The following KCNK2 variants were observed in gnomAD, a reference collection of about 807,000 sequenced individuals.
The protein encoded by KCNK2 is potassium two pore domain channel subfamily K member 2, also known as potassium channel subfamily K member 2.
KCNK2 carries 21 observed loss-of-function variants against 40.5 expected under a neutral mutation model. The observed-to-expected ratio is 0.52, with a 90% confidence interval of 0.37 to 0.75. The LOEUF (loss-of-function observed/expected upper bound fraction) is 0.75. Ranked by LOEUF, KCNK2 falls within the 30% of genes least tolerant of loss-of-function variation. The pLI, the probability that KCNK2 is intolerant of heterozygous loss-of-function variation, is 0.00. For missense variants in KCNK2, 399 were observed against 531.6 expected (o/e 0.75, Z 2.45); for synonymous variants, 191 against 202.2 (o/e 0.94, Z 0.47).
At chr1:215,144,094 A>G (rs961424808) in intron 3 of KCNK2, among the ~76,000 whole-genome samples, 1 of 152,156 alleles carries the variant, frequency 6.6e-6, no homozygotes, top group African/African-American at 2.4e-5. Flanking sequence ...TTTAGGCTAA[A>G]TGGCATTACT....
At chr1:215,026,440 A>G (rs1294795855) in intron 1 of KCNK2, among the ~76,000 whole-genome samples, 1 of 152,040 alleles carries the variant, frequency 6.6e-6, no homozygotes, top group Non-Finnish European at 1.5e-5. Context: ...TTTGTAAATA[A>G]CATGAGATGG....
rs41283140 is a variant in KCNK2 at position 215,169,272 on chromosome 1, C to T, written c.549C>T (p.Pro183=). 22,342 of 1,613,048 alleles carry T rather than the reference C, an allele frequency of 0.014. 368 individuals are homozygous for T. The highest frequency in any genetic ancestry group is 0.064 in the South Asian group (5,806 of 90,958). The change falls in exon 4 of 7, where the codon CCC becomes CCT. Residue 183 remains proline, a synonymous_variant. Transcript: ENST00000444842. Reference sequence around the variant, plus strand: ...TCATCTATGCCTTACTGGGAATTCCCCTCTTTGGTTTTCTCTTGGCTGGAG... The same window carrying T: ...TCATCTATGCCTTACTGGGAATTCCTCTCTTTGGTTTTCTCTTGGCTGGAG... The part of the protein sequence containing the change: ...FCIIYALLGI[P]LFGFLLAGVG...
At chr1:215,081,676 G>GA (rs1659159070), upstream of KCNK2, 1 of 152,104 alleles carries the variant, frequency 6.6e-6, no homozygotes, top group African/African-American at 2.4e-5. Flanking sequence ...AGTTATGGAA[G>GA]AAAAACTCTA....
At chr1:215,014,955 T>C (rs1481395692) in intron 1 of KCNK2, among the ~76,000 whole-genome samples, 6 of 152,178 alleles carry the variant, frequency 3.9e-5, no homozygotes, top group Non-Finnish European at 8.8e-5. Context: ...GAGAGAGCTC[T>C]AAACTCCGAA....
At chr1:215,011,751 G>A (rs1424244327) in intron 1 of KCNK2, among the ~76,000 whole-genome samples, 1 of 152,032 alleles carries the variant, frequency 6.6e-6, no homozygotes, top group African/African-American at 2.4e-5. Context: ...GACTACAGGC[G>A]CGTGCTACCA....
chr1:215,199,346 C>G (rs758240094), intron 6 of KCNK2, among the ~76,000 whole-genome samples: 1 of 152,030 alleles, frequency 6.6e-6, no homozygotes, highest in Non-Finnish European at 1.5e-5. Context: ...AAAATAAATT[C>G]TGTTTCCAAT....
chr1:215,046,605 C>T (rs1204077330), intron 1 of KCNK2, among the ~76,000 whole-genome samples: 1 of 151,984 alleles, frequency 6.6e-6, no homozygotes, highest in African/African-American at 2.4e-5. Flanking sequence ...GGATTATCAC[C>T]ATATTCATAG....
At chr1:215,168,251 T>G (rs765960788) in intron 3 of KCNK2, among the ~76,000 whole-genome samples, 17 of 152,342 alleles carry the variant, frequency 1.1e-4, no homozygotes, top group Middle Eastern at 3.4e-3. Flanking sequence ...TTTATACTGT[T>G]GGTGGAAATG....
chr1:215,056,591 G>A (rs1658176220), intron 1 of KCNK2, among the ~76,000 whole-genome samples: 1 of 137,090 alleles, frequency 7.3e-6, no homozygotes, highest in Admixed American at 7.4e-5. Flanking sequence ...ATGTATAAAA[G>A]ATTTGTAAAG....
intron 1 of KCNK2, among the ~76,000 whole-genome samples, chr1:215,043,965 T>G (rs1016215893): frequency 6.6e-6 from 1 of 151,990 alleles, no homozygotes; most frequent in Non-Finnish European, 1.5e-5. Flanking sequence ...AGAGAAAAGA[T>G]AGATGTATAA....
intron 1 of KCNK2, among the ~76,000 whole-genome samples, chr1:215,056,164 C>T (rs886167715): frequency 3.4e-4 from 52 of 151,542 alleles, no homozygotes; most frequent in Non-Finnish European, 2.4e-4. Flanking sequence ...CAAAATTAGC[C>T]GGGCATGGTG....
At chr1:215,051,559 G>A (rs968802731) in intron 1 of KCNK2, among the ~76,000 whole-genome samples, 1 of 152,158 alleles carries the variant, frequency 6.6e-6, no homozygotes, top group African/African-American at 2.4e-5. Flanking sequence ...TCTTATTACT[G>A]TCTATAAAGT....
At chr1:215,053,823 C>T (rs772864290) in intron 1 of KCNK2, among the ~76,000 whole-genome samples, 70 of 152,230 alleles carry the variant, frequency 4.6e-4, no homozygotes, top group Middle Eastern at 3.4e-3. Context: ...AAAAGTTAGC[C>T]GGGCATAGTG....
At chr1:215,141,933 G>C (rs1415877306) in intron 3 of KCNK2, among the ~76,000 whole-genome samples, 9 of 151,880 alleles carry the variant, frequency 5.9e-5, no homozygotes, top group African/African-American at 2.2e-4. Context: ...CTTCAAAGAC[G>C]CTGGAAAATT....
chr1:215,216,860 T>A (rs1665986069), intron 6 of KCNK2, among the ~76,000 whole-genome samples: 1 of 152,172 alleles, frequency 6.6e-6, no homozygotes, highest in Non-Finnish European at 1.5e-5. Flanking sequence ...ACAATGGCAG[T>A]GGCTCTGAAG....
intron 2 of KCNK2, among the ~76,000 whole-genome samples, chr1:215,115,428 T>G (rs1222195555): frequency 6.6e-6 from 1 of 152,066 alleles, no homozygotes; most frequent in African/African-American, 2.4e-5. Context: ...TTCTCATCAG[T>G]TTAGAAATTC....
intron 1 of KCNK2, among the ~76,000 whole-genome samples, chr1:215,057,659 G>A (rs1028511267): frequency 2.0e-5 from 3 of 152,056 alleles, no homozygotes; most frequent in Non-Finnish European, 4.4e-5. Flanking sequence ...AAGAAACAAA[G>A]GTAAGAGAAG....
At chr1:215,172,547 C>T (rs1307376172) in intron 5 of KCNK2, among the ~76,000 whole-genome samples, 1 of 152,144 alleles carries the variant, frequency 6.6e-6, no homozygotes, top group South Asian at 2.1e-4. Flanking sequence ...GCCAAATTCC[C>T]TTCTGCTTAT....
chr1:215,018,715 CG>C (rs1174964358), intron 1 of KCNK2, among the ~76,000 whole-genome samples: 1 of 152,148 alleles, frequency 6.6e-6, no homozygotes, highest in Non-Finnish European at 1.5e-5. Context: ...TGGGGAATTA[CG>C]CATGGCCAGT....
Sources: allele counts gnomAD v4.1 joint callset (sites outside exome capture counted in the v4.1 genomes callset), GRCh38; gene constraint gnomAD v4.1.1; transcripts MANE v1.5; gene names NCBI Gene and HGNC (gene_info 2026-07-23, HGNC 2026-07-21).